Variants in CACNA2D2 observed in about 807,000 individuals in gnomAD.
CACNA2D2 encodes the protein voltage-dependent calcium channel subunit alpha-2/delta-2.
CACNA2D2 carries 48 observed loss-of-function variants against 166.4 expected under a neutral mutation model. That is an observed-to-expected ratio of 0.29 (90% CI 0.23 to 0.37). The LOEUF (loss-of-function observed/expected upper bound fraction) is 0.37, where lower values mean the gene tolerates loss of function less well. CACNA2D2 is among the 10% of genes least tolerant of loss of function. The pLI is 1.00. For missense variants in CACNA2D2, 1,122 were observed against 1,433.0 expected, an observed-to-expected ratio of 0.78 and a Z score of 3.50; for synonymous variants, 561 against 573.7, an observed-to-expected ratio of 0.98 and a Z score of 0.32.
intron 1 of CACNA2D2, among the ~76,000 whole-genome samples, chr3:50,476,521 T>C (rs558992321): frequency 2.0e-4 from 30 of 152,318 alleles, no homozygotes; most frequent in Non-Finnish European, 3.4e-4. Flanking sequence ...TTGATGTAGC[T>C]GCTCTGAACT....
In CACNA2D2 at chr3:50,381,981, TACACACAC is replaced by T. The variant is rs34662551; in HGVS notation, c.653-863_653-856del. 1.6e-3 allele frequency among the ~76,000 whole-genome samples: 211 copies of T among 133,458 alleles called. 1 individual carries two copies. Among genetic ancestry groups the T allele is most frequent in the African/African-American group, 4.7e-3 (162 of 34,152 alleles). 87.6% of individuals were successfully genotyped at this position (133,458 alleles called of 152,430 possible). ...GTGATCCCCTGTCCAGATCTATCCC[TACACACAC>T]ACACACACACACACACACACACACA... On this transcript the variant is annotated intron_variant, in intron 6 of 37. Coordinates refer to ENST00000424201, the MANE Select transcript of CACNA2D2 (RefSeq NM_006030.4).
chr3:50,448,464 T>C (rs1425701135), intron 2 of CACNA2D2, among the ~76,000 whole-genome samples: 3 of 152,172 alleles, frequency 2.0e-5, no homozygotes, highest in Non-Finnish European at 2.9e-5. Context: ...GGAAGCGTGA[T>C]GGTGCTTCCA....
chr3:50,365,219 T>C lies in CACNA2D2; in HGVS notation c.3099-35A>G. ...GCCCGGAAAGGCGGGGCGTTGAGTT[T>C]GCCCCGCCCTGACCCACCCCCATCC... is the stretch of plus-strand genomic sequence containing the variant. On this transcript the variant is annotated intron_variant, in intron 35 of 37. Transcript: ENST00000424201. This position sits in a 1 kb window ranked among gnomAD's most constrained non-coding sequence, Gnocchi z 4.5. 6.4e-7 allele frequency: 1 copy of C among 1,568,398 alleles called. No homozygotes were observed. The highest frequency in any genetic ancestry group is 8.7e-7 in the Non-Finnish European group (1 of 1,143,590).
intron 2 of CACNA2D2, among the ~76,000 whole-genome samples, chr3:50,439,530 C>T (rs1708493327): frequency 6.6e-6 from 1 of 152,258 alleles, no homozygotes; most frequent in Non-Finnish European, 1.5e-5. Context: ...CGAGGCATGA[C>T]TCCGGGGAGA....
Position 50,367,914 on chromosome 3 carries a change from G to A in CACNA2D2, c.2144-12C>T. The A allele has an allele frequency of 2.7e-6, 4 of 1,505,070 alleles. No individual in the cohort carries two copies. The highest frequency in any genetic ancestry group is 2.3e-5 in the East Asian group (1 of 43,406). 93.2% of individuals were successfully genotyped at this position (1,505,070 alleles called of 1,614,324 possible). On this transcript the variant is annotated splice_polypyrimidine_tract_variant and intron_variant, in intron 24 of 37. Coordinates refer to ENST00000424201, the MANE Select transcript of CACNA2D2 (RefSeq NM_006030.4). The surrounding 1 kb of genome is among the most constrained non-coding windows in gnomAD (Gnocchi z 6.5). The stretch of plus-strand genomic sequence containing the variant: ...AAGGAAGTTGTTGCCTGGAACAGGA[G>A]GGGAGGGGTGGGGGTGGGGGCATCT...
intron 5 of CACNA2D2, among the ~76,000 whole-genome samples, chr3:50,385,061 C>T (rs587646413): frequency 6.6e-5 from 10 of 152,340 alleles, no homozygotes; most frequent in South Asian, 2.1e-4. Flanking sequence ...ATCTCACGGC[C>T]GGGCAGGCTG....
At chr3:50,411,331 TTTC>T (rs1203644785) in intron 3 of CACNA2D2, among the ~76,000 whole-genome samples, 9 of 152,334 alleles carry the variant, frequency 5.9e-5, no homozygotes, top group African/African-American at 2.2e-4. Flanking sequence ...CTCCAGGGCT[TTTC>T]TTCTTTCTGC....
Position 50,365,301 on chromosome 3 carries a change from T to C in CACNA2D2, c.3098+55A>G. On this transcript the variant is annotated intron_variant, in intron 35 of 37. Transcript: ENST00000424201. The surrounding 1 kb of genome is among the most constrained non-coding windows in gnomAD (Gnocchi z 4.5). ...CGCCCCTTCCATCCTCCCGAGCGTCTCGCCCCGCTCACAGGTTCCGCCCTT... is the reference window on the plus strand; with the variant it reads ...CGCCCCTTCCATCCTCCCGAGCGTCCCGCCCCGCTCACAGGTTCCGCCCTT... 1 of 1,549,206 alleles carries C rather than the reference T, an allele frequency of 6.5e-7. No homozygotes were observed. Among genetic ancestry groups the C allele is most frequent in the Non-Finnish European group, 8.7e-7 (1 of 1,145,312 alleles).
chr3:50,431,090 G>T (rs1708040538), intron 3 of CACNA2D2, among the ~76,000 whole-genome samples: 1 of 152,072 alleles, frequency 6.6e-6, no homozygotes, highest in Non-Finnish European at 1.5e-5. Context: ...TAGAATTCCA[G>T]CCCAGAGCAA....
chr3:50,416,187 G>C (rs1463485127), intron 3 of CACNA2D2: 1 of 152,304 alleles, frequency 6.6e-6, no homozygotes, highest in Non-Finnish European at 1.5e-5. Flanking sequence ...CCATCTCTGA[G>C]AGCTTCCCAG....
chr3:50,376,022 G>C lies in CACNA2D2; in HGVS notation c.1714C>G (p.Arg572Gly). ...PNLKPQTTNF[R>G]EPVTLDFLDA... ...AGGAAGTCCAGAGTCACAGGCTCCC[G>C]GAAGTTGGTGGTCTGTTGGAGGCAG... Residue 572 changes from arginine to glycine, a missense_variant, in exon 19 of 38, where the codon CGG becomes GGG. By Grantham distance (125) the Arg-to-Gly change is moderately radical (BLOSUM62 -2). This residue lies in a region of CACNA2D2 where 840 missense variants were observed against 1,166.8 expected (regional missense o/e 0.72). Coordinates refer to ENST00000424201, the MANE Select transcript of CACNA2D2 (RefSeq NM_006030.4). The surrounding 1 kb of genome is among the most constrained non-coding windows in gnomAD (Gnocchi z 4.3). 1 of 1,613,316 alleles carries C rather than the reference G, an allele frequency of 6.2e-7. No homozygotes were observed. Among genetic ancestry groups the C allele is most frequent in the South Asian group, 1.1e-5 (1 of 91,082 alleles).
intron 3 of CACNA2D2, among the ~76,000 whole-genome samples, chr3:50,423,947 GATCC>G (rs1359486543): frequency 1.3e-5 from 2 of 152,246 alleles, no homozygotes. Context: ...AAGGAGGACA[GATCC>G]ATCTGTCTGC....
At chr3:50,425,561 G>C (rs564448610) in intron 3 of CACNA2D2, among the ~76,000 whole-genome samples, 1 of 152,006 alleles carries the variant, frequency 6.6e-6, no homozygotes, top group Non-Finnish European at 1.5e-5. Flanking sequence ...CCCCAGCCTC[G>C]CACACCAGGA....
intron 1 of CACNA2D2, among the ~76,000 whole-genome samples, chr3:50,498,005 TCATGTCCTCCCCAG>T (rs1218659943): frequency 5.3e-5 from 8 of 151,906 alleles, no homozygotes; most frequent in Non-Finnish European, 1.0e-4. Context: ...GGAAAGCCCC[TCATGTCCTCCCCAG>T]CATGTCCTCC....
intron 1 of CACNA2D2, among the ~76,000 whole-genome samples, chr3:50,495,835 G>A (rs1482652269): frequency 1.3e-5 from 2 of 152,190 alleles, no homozygotes; most frequent in African/African-American, 2.4e-5. Flanking sequence ...TTTTCCACGC[G>A]GGGAAGGGCT....
Position 50,367,839 on chromosome 3 carries a change from C to T in CACNA2D2, c.2207G>A (p.Arg736His), listed in dbSNP as rs768385122. 33 of 1,612,128 alleles carry T rather than the reference C, an allele frequency of 2.0e-5. No homozygotes were observed. The highest frequency in any genetic ancestry group is 1.6e-4 in the Middle Eastern group (1 of 6,078). Residue 736 changes from arginine to histidine, a missense_variant, in exon 25 of 38, where the codon CGT becomes CAT. Around this residue, in one of 2 missense-constraint regions of CACNA2D2, gnomAD observed 840 missense variants for 1,166.8 expected, o/e 0.72. Transcript: ENST00000424201. This position sits in a 1 kb window ranked among gnomAD's most constrained non-coding sequence, Gnocchi z 6.5. Reference sequence around the variant, plus strand: ...GTTGAGATCCTGGTCCCTCCACACACGCTCTACCAGCTGCTGCGTGATGCC... The same window carrying T: ...GTTGAGATCCTGGTCCCTCCACACATGCTCTACCAGCTGCTGCGTGATGCC... Reference protein sequence around the residue: ...DTGITQQLVERVWRDQDLNTY... With the variant: ...DTGITQQLVEHVWRDQDLNTY...
At chr3:50,397,029 C>T (rs919861999) in intron 3 of CACNA2D2, among the ~76,000 whole-genome samples, 2 of 152,194 alleles carry the variant, frequency 1.3e-5, no homozygotes, top group Admixed American at 1.3e-4. Flanking sequence ...CTCCTTCACC[C>T]TCTTAGGGCT....
intron 17 of CACNA2D2, 122 bp downstream of exon 17, chr3:50,377,345 T>C: frequency 1.3e-6 from 1 of 794,424 alleles, no homozygotes; most frequent in Non-Finnish European, 2.0e-6. Context: ...GGGGAAGCCT[T>C]CCCCGACCCC....
intron 1 of CACNA2D2, among the ~76,000 whole-genome samples, chr3:50,502,889 C>G (rs947300654): frequency 6.6e-6 from 1 of 152,248 alleles, no homozygotes; most frequent in Non-Finnish European, 1.5e-5. Flanking sequence ...CCCGGGTTTC[C>G]CTCTCACCGG....
Sources: gnomAD v4.1 joint callset for allele counts (sites outside exome capture counted in the v4.1 genomes callset) on GRCh38, gnomAD v4.1.1 for gene constraint, gnomAD v4.1.1 regional missense constraint, Gnocchi (gnomAD v3.1) non-coding constraint, MANE v1.5 for transcripts, NCBI Gene and HGNC (gene_info 2026-07-23, HGNC 2026-07-21) for gene names.